GSE1: variants seen among roughly 807,000 people sequenced by gnomAD.
The protein encoded by GSE1 is Gse1 coiled-coil protein, also known as genetic suppressor element 1.
GSE1 carries 32 observed loss-of-function variants against 112.6 expected under a neutral mutation model. The ratio of observed to expected loss-of-function variants is 0.28; its 90% CI spans 0.21 to 0.38. GSE1 has a LOEUF of 0.38. Among genes scored for constraint, GSE1 ranks in the 10% least tolerant of loss-of-function variants. The pLI, the probability that GSE1 is intolerant of heterozygous loss-of-function variation, is 1.00. For missense variants in GSE1, 2,348 were observed against 1,699.2 expected, an observed-to-expected ratio of 1.38 and a Z score of -6.71; for synonymous variants, 1,115 against 735.6, an observed-to-expected ratio of 1.52 and a Z score of -8.35.
At chr16:85,198,394 G>C (rs1050884141) in intron 1 of GSE1, among the ~76,000 whole-genome samples, 1 of 152,230 alleles carries the variant, frequency 6.6e-6, no homozygotes, top group Admixed American at 6.5e-5. Context: ...TGTGGGCCAG[G>C]CTTGTCCTTG....
chr16:85,657,525 C>T lies in GSE1; in HGVS notation c.1561C>T (p.Gln521Ter). ...GTCTCAGGTGTCCGAGTTCCGGCAG[C>T]AGGTGCTGGAGCAGCACCTGGATAT... is the stretch of plus-strand genomic sequence containing the variant. Reference protein sequence around the residue: ...RQSQVSEFRQQVLEQHLDMGR... With the variant: ...RQSQVSEFRQ Residue 521 changes from glutamine to a stop codon, truncating the protein, a stop_gained, in exon 8 of 16, where the codon CAG (glutamine) becomes TAG (stop). Coordinates refer to ENST00000253458, the MANE Select transcript of GSE1 (RefSeq NM_014615.5). LOFTEE classifies it high-confidence loss of function. The T allele has an allele frequency of 6.2e-7, 1 of 1,604,272 alleles. No individual in the cohort carries two copies.
At chr16:85,327,604 G>A (rs11149737) in intron 1 of GSE1, among the ~76,000 whole-genome samples, 128,761 of 152,172 alleles carry the variant, frequency 0.85, 54,738 homozygotes, top group East Asian at 1. Flanking sequence ...CTCTGTCTCA[G>A]AAAAACAAAA....
intron 1 of GSE1, among the ~76,000 whole-genome samples, chr16:85,188,406 C>T (rs1301456090): frequency 6.6e-6 from 1 of 152,162 alleles, no homozygotes; most frequent in Non-Finnish European, 1.5e-5. Context: ...CCCTTCTGTT[C>T]CTCCGTTCTC....
At chr16:85,408,815 C>T (rs200037544) in intron 2 of GSE1, among the ~76,000 whole-genome samples, 4 of 59,204 alleles carry the variant, frequency 6.8e-5, no homozygotes, top group Admixed American at 5.5e-4. Flanking sequence ...GCACTCAGGG[C>T]CCCCCGGATA....
At chr16:85,660,384 C>G (rs2052332167) in intron 8 of GSE1, among the ~76,000 whole-genome samples, 1 of 152,172 alleles carries the variant, frequency 6.6e-6, no homozygotes, top group Non-Finnish European at 1.5e-5. Context: ...CTCCTGTAAT[C>G]CCAGCACTTC....
At chr16:85,598,714 G>A (rs1279345638) in intron 1 of GSE1, among the ~76,000 whole-genome samples, 2 of 152,250 alleles carry the variant, frequency 1.3e-5, no homozygotes, top group Admixed American at 6.5e-5. Flanking sequence ...TTTGCATCCC[G>A]CAACCATTGA....
At chr16:85,260,294 T>A (rs1037260764) in intron 1 of GSE1, among the ~76,000 whole-genome samples, 1 of 151,856 alleles carries the variant, frequency 6.6e-6, no homozygotes, top group African/African-American at 2.4e-5. Flanking sequence ...ATTTCTTTTT[T>A]ATTTTTCCTT....
intron 1 of GSE1, among the ~76,000 whole-genome samples, chr16:85,261,983 A>G (rs542322365): frequency 6.6e-6 from 1 of 152,154 alleles, no homozygotes; most frequent in East Asian, 1.9e-4. Flanking sequence ...TGTCTCCCCC[A>G]CTTTACAGAT....
chr16:85,665,479 G>A (rs1279132541), intron 12 of GSE1, among the ~76,000 whole-genome samples: 1 of 152,178 alleles, frequency 6.6e-6, no homozygotes, highest in Non-Finnish European at 1.5e-5. Flanking sequence ...CAGCCTTAGT[G>A]CCCGCAGCCT....
chr16:85,325,266 G>C (rs1189715631), intron 1 of GSE1, among the ~76,000 whole-genome samples: 1 of 152,110 alleles, frequency 6.6e-6, no homozygotes. Flanking sequence ...GCCGTATCCA[G>C]TCTAGATCTC....
intron 1 of GSE1, among the ~76,000 whole-genome samples, chr16:85,250,763 T>C (rs1447132627): frequency 2.0e-5 from 3 of 152,176 alleles, no homozygotes; most frequent in Non-Finnish European, 2.9e-5. Context: ...ATCACCACTA[T>C]CTAATTCTAG....
intron 2 of GSE1, among the ~76,000 whole-genome samples, chr16:85,640,498 G>C (rs909415114): frequency 4.5e-4 from 68 of 152,334 alleles, no homozygotes; most frequent in African/African-American, 1.6e-3. Flanking sequence ...GCCTCGTCTT[G>C]TCACTGGCTT....
chr16:85,532,554 G>A (rs866651879), intron 2 of GSE1, among the ~76,000 whole-genome samples: 4 of 152,290 alleles, frequency 2.6e-5, no homozygotes, highest in African/African-American at 7.2e-5. Flanking sequence ...GAACCACCAC[G>A]TCTGGCCTAG....
At chr16:85,528,103 C>G (rs2052420463) in intron 2 of GSE1, among the ~76,000 whole-genome samples, 1 of 152,218 alleles carries the variant, frequency 6.6e-6, no homozygotes, top group African/African-American at 2.4e-5. Context: ...GGGAGGAGGC[C>G]TTCAGCCATT....
chr16:85,230,558 T>C (rs531393075), intron 1 of GSE1, among the ~76,000 whole-genome samples: 45 of 152,346 alleles, frequency 3.0e-4, no homozygotes, highest in African/African-American at 1.1e-3. Flanking sequence ...TGCCTTTTGC[T>C]GCGGGGGTTC....
intron 2 of GSE1, among the ~76,000 whole-genome samples, chr16:85,522,220 C>T (rs954719529): frequency 6.6e-6 from 1 of 152,152 alleles, no homozygotes; most frequent in Admixed American, 6.5e-5. Context: ...TGGGATTGGC[C>T]GGGCCGTGGC....
Position 85,522,721 on chromosome 16 carries a change from C to T in GSE1, c.2465-111193C>T, listed in dbSNP as rs114617375. Among the ~76,000 whole-genome samples the T allele has an allele frequency of 4.8e-3, 723 of 152,102 alleles. 3 individuals carry two copies. The highest frequency in any genetic ancestry group is 0.017 in the African/African-American group (693 of 41,480). On this transcript the variant is annotated intron_variant, in intron 2 of 2. Coordinates refer to the GSE1 transcript ENST00000637419. The stretch of plus-strand genomic sequence containing the variant: ...CTCGTGTGGGTGTCTGTGATGGTTG[C>T]GCAGAGTGTTGGAGTTTACTGTGTG...
chr16:85,353,242 C>T (rs1279252634), intron 1 of GSE1, among the ~76,000 whole-genome samples: 1 of 152,216 alleles, frequency 6.6e-6, no homozygotes, highest in East Asian at 1.9e-4. Flanking sequence ...AACCCACCTC[C>T]ACACTCACTT....
intron 2 of GSE1, among the ~76,000 whole-genome samples, chr16:85,471,835 C>T (rs902685916): frequency 1.3e-5 from 2 of 152,312 alleles, no homozygotes; most frequent in South Asian, 2.1e-4. Flanking sequence ...CTCAGCCTCC[C>T]GAGCAGCTGG....
Sources: gnomAD v4.1 joint callset for allele counts (sites outside exome capture counted in the v4.1 genomes callset) on GRCh38, gnomAD v4.1.1 for gene constraint, MANE v1.5 for transcripts, NCBI Gene and HGNC (gene_info 2026-07-23, HGNC 2026-07-21) for gene names.